SOX5: variants seen among roughly 807,000 people sequenced by gnomAD.
SOX5 encodes SRY-box transcription factor 5, also known as transcription factor SOX-5.
Under a neutral mutation model 92.0 loss-of-function variants are expected in SOX5, and 9 were observed. That is an observed-to-expected ratio of 0.10 (90% confidence interval 0.06 to 0.17). SOX5 has a LOEUF of 0.17. Among genes scored for constraint, SOX5 ranks in the 10% least tolerant of loss-of-function variants. SOX5 has a pLI of 1.00. For missense variants in SOX5, 642 were observed against 944.5 expected, an observed-to-expected ratio of 0.68 and a Z score of 4.20; for synonymous variants, 344 against 336.3, an observed-to-expected ratio of 1.02 and a Z score of -0.25.
intron 4 of SOX5, among the ~76,000 whole-genome samples, chr12:24,085,571 C>T (rs13377962): frequency 0.021 from 3,173 of 152,042 alleles, 113 homozygotes; most frequent in African/African-American, 0.072. Flanking sequence ...AATTATTTGG[C>T]TATAATATAT....
intron 6 of SOX5, among the ~76,000 whole-genome samples, chr12:23,718,482 T>TTAGA (rs1165714027): frequency 6.6e-6 from 1 of 152,194 alleles, no homozygotes. Context: ...CTTGGCAGAA[T>TTAGA]TAGACCACAG....
chr12:23,744,049 C>T (rs759477006), intron 4 of SOX5, among the ~76,000 whole-genome samples: 3 of 152,102 alleles, frequency 2.0e-5, no homozygotes, highest in Non-Finnish European at 4.4e-5. Flanking sequence ...GAACCTTCAG[C>T]CCATCTTGCT....
intron 1 of SOX5, among the ~76,000 whole-genome samples, chr12:24,444,062 G>T (rs904524072): frequency 4.6e-5 from 7 of 152,176 alleles, no homozygotes; most frequent in Non-Finnish European, 8.8e-5. Flanking sequence ...TGGATTGGGG[G>T]TTGCTGATTT....
intron 1 of SOX5, among the ~76,000 whole-genome samples, chr12:24,428,874 G>T (rs1048610953): frequency 2.6e-5 from 4 of 151,892 alleles, no homozygotes; most frequent in African/African-American, 9.7e-5. Flanking sequence ...TGTATGAGTG[G>T]GTGGAGCCTG....
chr12:23,970,841 A>ATATATATTTTTTTTTTTTTTTTTTT, intron 4 of SOX5, among the ~76,000 whole-genome samples: 1 of 21,882 alleles, frequency 4.6e-5, no homozygotes, highest in Non-Finnish European at 1.0e-4. Context: ...TATATATATA[A>ATATATATTTTTTTTTTTTTTTTTTT]TTTTTTTTTT....
At chr12:23,581,163 TC>T (rs1566011163) in intron 9 of SOX5, among the ~76,000 whole-genome samples, 1 of 151,994 alleles carries the variant, frequency 6.6e-6, no homozygotes, top group African/African-American at 2.4e-5. Flanking sequence ...TATTTCTCTC[TC>T]CCCACTCCTT....
intron 2 of SOX5, among the ~76,000 whole-genome samples, chr12:23,887,832 G>GA (rs554732135): frequency 2.0e-5 from 3 of 150,014 alleles, no homozygotes; most frequent in South Asian, 2.1e-4. Flanking sequence ...ATTTCTGTTG[G>GA]AAAAAAATCT....
At chr12:24,219,744 A>C (rs1377831373) in intron 3 of SOX5, among the ~76,000 whole-genome samples, 1 of 152,128 alleles carries the variant, frequency 6.6e-6, no homozygotes, top group African/African-American at 2.4e-5. Context: ...CCAATCCCTC[A>C]TGCACATTGC....
intron 6 of SOX5, among the ~76,000 whole-genome samples, chr12:23,697,170 T>C (rs958277238): frequency 2.0e-4 from 30 of 152,204 alleles, no homozygotes; most frequent in Admixed American, 4.6e-4. Context: ...AGAGGATTAT[T>C]GAAATATCCA....
At chr12:23,767,421 G>A (rs1272108700) in intron 3 of SOX5, among the ~76,000 whole-genome samples, 3 of 152,114 alleles carry the variant, frequency 2.0e-5, no homozygotes, top group African/African-American at 7.2e-5. Flanking sequence ...GGAGAATCAC[G>A]TTACAAGCAA....
At chr12:24,479,833 T>C (rs1945788395) in intron 1 of SOX5, among the ~76,000 whole-genome samples, 2 of 152,086 alleles carry the variant, frequency 1.3e-5, no homozygotes, top group African/African-American at 4.8e-5. Flanking sequence ...GCCTGGCTAA[T>C]TTTTGTATTG....
intron 1 of SOX5, among the ~76,000 whole-genome samples, chr12:23,929,286 A>G (rs1304000856): frequency 6.6e-6 from 1 of 152,044 alleles, no homozygotes; most frequent in Non-Finnish European, 1.5e-5. Flanking sequence ...TATATATTGA[A>G]CGATGATATA....
At chr12:23,710,272 G>T (rs1184783383) in intron 6 of SOX5, among the ~76,000 whole-genome samples, 1 of 152,098 alleles carries the variant, frequency 6.6e-6, no homozygotes, top group African/African-American at 2.4e-5. Context: ...TTAAGTTCTA[G>T]GGTACATGTG....
At chr12:24,146,912 C>T (rs1951148998) in intron 4 of SOX5, among the ~76,000 whole-genome samples, 1 of 152,098 alleles carries the variant, frequency 6.6e-6, no homozygotes, top group Non-Finnish European at 1.5e-5. Context: ...AAGATACAAA[C>T]TATCAATGCT....
chr12:24,308,911 A>G (rs1457224961), intron 2 of SOX5, among the ~76,000 whole-genome samples: 1 of 152,126 alleles, frequency 6.6e-6, no homozygotes, highest in Non-Finnish European at 1.5e-5. Context: ...GACACAGAAA[A>G]GTATTATTGG....
intron 3 of SOX5, among the ~76,000 whole-genome samples, chr12:23,788,991 G>T (rs1312289435): frequency 6.6e-6 from 1 of 151,824 alleles, no homozygotes; most frequent in East Asian, 1.9e-4. Context: ...TATTCCTAAG[G>T]TCTGCCAATG....
intron 3 of SOX5, among the ~76,000 whole-genome samples, chr12:23,816,401 G>A (rs7969168): frequency 0.015 from 2,319 of 151,822 alleles, 33 homozygotes; most frequent in Middle Eastern, 0.024. Context: ...TAGTAGAGAT[G>A]GCGTTTCACT....
intron 3 of SOX5, among the ~76,000 whole-genome samples, chr12:23,772,561 T>G (rs1197754092): frequency 3.3e-5 from 5 of 152,228 alleles, no homozygotes; most frequent in African/African-American, 1.2e-4. Context: ...CAGCTACTAA[T>G]TGAGAGCTAA....
intron 3 of SOX5, among the ~76,000 whole-genome samples, chr12:24,267,691 A>C (rs1284719099): frequency 6.6e-6 from 1 of 152,158 alleles, no homozygotes; most frequent in East Asian, 1.9e-4. Context: ...GAAAGACAAA[A>C]AATAAGCAAT....
Sources: allele counts gnomAD v4.1 joint callset (sites outside exome capture counted in the v4.1 genomes callset), GRCh38; gene constraint gnomAD v4.1.1; transcripts MANE v1.5; gene names NCBI Gene and HGNC (gene_info 2026-07-23, HGNC 2026-07-21).